Variants in NHEJ1 observed in about 807,000 individuals in gnomAD.
NHEJ1 encodes the protein non-homologous end-joining factor 1.
A neutral mutation model predicts 39.4 loss-of-function variants in NHEJ1; 22 were observed. The ratio of observed to expected loss-of-function variants is 0.56; its 90% confidence interval spans 0.40 to 0.80. The LOEUF (loss-of-function observed/expected upper bound fraction) is 0.80. Among genes scored for constraint, NHEJ1 ranks in the 30% least tolerant of loss-of-function variants. The pLI, the probability that NHEJ1 is intolerant of heterozygous loss-of-function variation, is 0.00. For missense variants in NHEJ1, 329 were observed against 357.1 expected (o/e 0.92, Z 0.63); for synonymous variants, 154 against 135.6 (o/e 1.14, Z -0.94).
intron 5 of NHEJ1, among the ~76,000 whole-genome samples, chr2:219,095,634 T>C (rs1168477026): frequency 6.6e-6 from 1 of 152,136 alleles, no homozygotes; most frequent in African/African-American, 2.4e-5. Context: ...GCACCATCCA[T>C]AGCAGGGATT....
intron 5 of NHEJ1, among the ~76,000 whole-genome samples, chr2:219,100,430 C>T (rs1436764681): frequency 1.4e-5 from 2 of 141,184 alleles, no homozygotes; most frequent in Non-Finnish European, 3.1e-5. Context: ...TGGCAAAACT[C>T]GATCTCTACT....
At chr2:219,115,937 T>A (rs933955692) in intron 5 of NHEJ1, among the ~76,000 whole-genome samples, 1 of 152,066 alleles carries the variant, frequency 6.6e-6, no homozygotes, top group Non-Finnish European at 1.5e-5. Context: ...CTGGCCAACA[T>A]GGTGAAACTC....
At chr2:219,143,278 G>A (rs1294605157) in intron 5 of NHEJ1, among the ~76,000 whole-genome samples, 1 of 152,022 alleles carries the variant, frequency 6.6e-6, no homozygotes, top group Non-Finnish European at 1.5e-5. Context: ...TAGGACCCCG[G>A]GCAAGCAGAG....
intron 5 of NHEJ1, among the ~76,000 whole-genome samples, chr2:219,097,616 T>G (rs139295428): frequency 1.2e-4 from 18 of 152,214 alleles, no homozygotes; most frequent in African/African-American, 4.3e-4. Flanking sequence ...TGAGCAAGTC[T>G]GAAAGGATGA....
rs141782798 is a variant in NHEJ1 at position 219,150,888 on chromosome 2, G to A, written c.391-3093C>T. On this transcript the variant is annotated intron_variant, in intron 3 of 7. Coordinates refer to ENST00000356853, the MANE Select transcript of NHEJ1 (RefSeq NM_024782.3). ...GAAGAATCGCCTGAACCCAGGAGGC[G>A]GAGGGTGCAGTGAGCCGAGACTGCG... Among the ~76,000 whole-genome samples, 1,158 of 152,012 alleles carry A rather than the reference G, an allele frequency of 7.6e-3. 13 individuals carry two copies. The highest frequency in any genetic ancestry group is 0.024 in the African/African-American group (998 of 41,448).
intron 5 of NHEJ1, among the ~76,000 whole-genome samples, chr2:219,098,244 G>A (rs1949226088): frequency 6.6e-6 from 1 of 152,202 alleles, no homozygotes; most frequent in Non-Finnish European, 1.5e-5. Flanking sequence ...GACAACACTT[G>A]TAAGGAGTTT....
At chr2:219,102,954 G>A (rs1334506271) in intron 5 of NHEJ1, among the ~76,000 whole-genome samples, 2 of 129,152 alleles carry the variant, frequency 1.5e-5, no homozygotes, top group South Asian at 2.5e-4. Flanking sequence ...GCAGTGAGCC[G>A]AGATCCCGCC....
At chr2:219,146,027 A>T (rs149025363) in intron 5 of NHEJ1, among the ~76,000 whole-genome samples, 11 of 152,322 alleles carry the variant, frequency 7.2e-5, no homozygotes, top group Middle Eastern at 3.4e-3. Flanking sequence ...GGGAAGGAGA[A>T]GATCAATATT....
chr2:219,142,202 G>T (rs561071330), intron 5 of NHEJ1, among the ~76,000 whole-genome samples: 1 of 136,380 alleles, frequency 7.3e-6, no homozygotes, highest in East Asian at 2.0e-4. Flanking sequence ...CAGTAAGAAC[G>T]ACTGCAGGGA....
At chr2:219,149,163 C>T (rs1392078723) in intron 3 of NHEJ1, among the ~76,000 whole-genome samples, 1 of 152,042 alleles carries the variant, frequency 6.6e-6, no homozygotes, top group Non-Finnish European at 1.5e-5. Flanking sequence ...GGATTACAGG[C>T]GTGAGCCACC....
rs1170300581 is a variant in NHEJ1, at chr2:219,147,702, G to T, written c.484C>A (p.Leu162Ile). The T allele has an allele frequency of 1.2e-6, 2 of 1,614,174 alleles. No homozygotes were observed. The highest frequency in any genetic ancestry group is 1.7e-6 in the Non-Finnish European group (2 of 1,180,048). ...ELATLLHMKD[L>I]EIQDYQESGA... ...CTCTCCTGGTAGTCTTGGATCTCTA[G>T]GTCTTTCATATGAAGTAACGTTGCT... The change falls in exon 4 of 8, where the codon CTA (leucine) becomes ATA (isoleucine). Residue 162 changes from leucine (L) to isoleucine (I), a missense_variant. Physicochemically the swap from Leu to Ile is conservative, Grantham distance 5. Transcript: ENST00000356853.
At chr2:219,101,786 C>T (rs561245464) in intron 5 of NHEJ1, among the ~76,000 whole-genome samples, 12 of 147,530 alleles carry the variant, frequency 8.1e-5, no homozygotes, top group South Asian at 2.1e-4. Context: ...AGTGCAGTGG[C>T]GCGATCTCAG....
chr2:219,146,557 T>C, intron 5 of NHEJ1, 123 bp downstream of exon 5: 1 of 822,114 alleles, frequency 1.2e-6, no homozygotes, highest in Non-Finnish European at 2.2e-6. Flanking sequence ...TATGGGCAAC[T>C]TTTTCAGACA....
At chr2:219,158,644 T>C (rs946757160) in intron 1 of NHEJ1, among the ~76,000 whole-genome samples, 2 of 152,146 alleles carry the variant, frequency 1.3e-5, no homozygotes, top group African/African-American at 2.4e-5. Flanking sequence ...CCTCAGCATA[T>C]TGCTGTTAGT....
At chr2:219,128,177 C>T (rs370180401) in intron 5 of NHEJ1, among the ~76,000 whole-genome samples, 1 of 152,148 alleles carries the variant, frequency 6.6e-6, no homozygotes, top group African/African-American at 2.4e-5. Context: ...GCCCATGATG[C>T]GGTAAGTATA....
chr2:219,137,447 TA>T (rs1315750668), intron 5 of NHEJ1, among the ~76,000 whole-genome samples: 2 of 151,892 alleles, frequency 1.3e-5, no homozygotes, highest in East Asian at 3.9e-4. Context: ...CAACAGTAAT[TA>T]ATAAGTGCAA....
At chr2:219,148,933 C>T (rs1420903042) in intron 3 of NHEJ1, among the ~76,000 whole-genome samples, 1 of 151,644 alleles carries the variant, frequency 6.6e-6, no homozygotes, top group African/African-American at 2.4e-5. Context: ...GCCCAGGCTA[C>T]AGTACAGTAG....
At chr2:219,078,749 G>C (rs1255987322) in intron 5 of NHEJ1, among the ~76,000 whole-genome samples, 1 of 152,156 alleles carries the variant, frequency 6.6e-6, no homozygotes, top group Non-Finnish European at 1.5e-5. Context: ...ATTCCCCACT[G>C]CTGTCCCACC....
intron 5 of NHEJ1, among the ~76,000 whole-genome samples, chr2:219,086,670 G>A (rs772358499): frequency 6.6e-6 from 1 of 152,060 alleles, no homozygotes; most frequent in Non-Finnish European, 1.5e-5. Context: ...CAGCCCCTCA[G>A]AGTCATAGCA....
Sources: gnomAD v4.1 joint callset for allele counts (sites outside exome capture counted in the v4.1 genomes callset) on GRCh38, gnomAD v4.1.1 for gene constraint, MANE v1.5 for transcripts, NCBI Gene and HGNC (gene_info 2026-07-23, HGNC 2026-07-21) for gene names.